PLPPR5: variants seen among roughly 807,000 people sequenced by gnomAD.
The protein encoded by PLPPR5 is phospholipid phosphatase-related protein type 5.
Under a neutral mutation model 33.9 loss-of-function variants are expected in PLPPR5, and 16 were observed. The observed-to-expected ratio is 0.47, with a 90% CI of 0.32 to 0.72. The LOEUF is 0.72. Among genes scored for constraint, PLPPR5 ranks in the 30% least tolerant of loss-of-function variants. PLPPR5 has a pLI of 0.03. For missense variants in PLPPR5, 301 were observed against 406.7 expected (o/e 0.74, Z 2.23); for synonymous variants, 163 against 150.3 (o/e 1.08, Z -0.62).
At chr1:98,968,197 C>T (rs72977880) in intron 1 of PLPPR5, among the ~76,000 whole-genome samples, 2,912 of 103,314 alleles carry the variant, frequency 0.028, 96 homozygotes, top group African/African-American at 0.092. Flanking sequence ...AATGAATACA[C>T]TCATGTTATA....
At position 99,004,477 on chromosome 1, in the gene PLPPR5, G is replaced by C. The variant is rs764379508; in HGVS notation, c.195C>G (p.Pro65=). 55 of 1,611,812 alleles carry C rather than the reference G, an allele frequency of 3.4e-5. No individual in the cohort carries two copies. In the East Asian group the frequency reaches 1.2e-3, roughly 34 times the overall value. ...PGPEDSSAVP[P]VLLYSLAAGV... is the part of the protein sequence containing the mutation. ...CGGCGGCCAGCGAGTAGAGGAGCAC[G>C]GGGGGCACGGCGCTGCTGTCCTCCG... The change falls in exon 1 of 6, where the codon CCC becomes CCG. Residue 65 remains proline, a synonymous_variant. Transcript: ENST00000263177.
chr1:98,931,166 A>G (rs1649950753), intron 3 of PLPPR5, among the ~76,000 whole-genome samples: 1 of 152,208 alleles, frequency 6.6e-6, no homozygotes. Flanking sequence ...TATTATAAAA[A>G]GAGTTATTTT....
At chr1:98,993,802 A>G (rs1465741657) in intron 1 of PLPPR5, among the ~76,000 whole-genome samples, 1 of 152,028 alleles carries the variant, frequency 6.6e-6, no homozygotes. Flanking sequence ...TAAATATGAA[A>G]TGGATATTAG....
chr1:98,899,860 C>T (rs551963108), intron 5 of PLPPR5, among the ~76,000 whole-genome samples: 12 of 152,074 alleles, frequency 7.9e-5, no homozygotes, highest in African/African-American at 1.2e-4. Flanking sequence ...GTTTCCCAAA[C>T]GTATTGACAT....
At chr1:98,969,765 A>G (rs1651595462) in intron 1 of PLPPR5, among the ~76,000 whole-genome samples, 1 of 147,960 alleles carries the variant, frequency 6.8e-6, no homozygotes, top group African/African-American at 2.6e-5. Context: ...GCTAGTTCAG[A>G]AAAAATCTAT....
chr1:98,980,054 T>C (rs1652000614), intron 1 of PLPPR5, among the ~76,000 whole-genome samples: 1 of 152,040 alleles, frequency 6.6e-6, no homozygotes, highest in Admixed American at 6.6e-5. Flanking sequence ...ACTACTGGTT[T>C]CTGTGGCAGT....
intron 1 of PLPPR5, among the ~76,000 whole-genome samples, chr1:98,960,019 C>G (rs993565490): frequency 6.6e-6 from 1 of 152,006 alleles, no homozygotes; most frequent in African/African-American, 2.4e-5. Context: ...TCATCAAATG[C>G]ATATGCCTAG....
intron 3 of PLPPR5, among the ~76,000 whole-genome samples, chr1:98,945,815 A>G (rs1161262010): frequency 6.6e-6 from 1 of 152,234 alleles, no homozygotes; most frequent in Non-Finnish European, 1.5e-5. Context: ...ACATTTAGCC[A>G]TAGTGTAAGT....
chr1:98,949,279 TA>T (rs1650686889), intron 3 of PLPPR5, among the ~76,000 whole-genome samples: 1 of 151,516 alleles, frequency 6.6e-6, no homozygotes, highest in Non-Finnish European at 1.5e-5. Flanking sequence ...TTTTTTTTTT[TA>T]TTATTCCTGA....
chr1:98,980,118 C>T (rs1292682800), intron 1 of PLPPR5, among the ~76,000 whole-genome samples: 1 of 152,036 alleles, frequency 6.6e-6, no homozygotes, highest in Non-Finnish European at 1.5e-5. Context: ...CCTTTTTCTC[C>T]TGAAAGAAGC....
rs374312824 is a variant in PLPPR5 at position 98,939,153 on chromosome 1, ATTT to A, written c.621+13914_621+13916del. 8.2e-4 allele frequency among the ~76,000 whole-genome samples: 124 copies of A among 151,776 alleles called. 5 individuals are homozygous for A. The South Asian group carries it at 0.025, about 30-fold the overall frequency. Reference sequence around the variant, plus strand: ...AATTAAAAAATTAAATATATATTAAATTTTTTAAATTTAACCATGCATATATAG... The same window carrying A: ...AATTAAAAAATTAAATATATATTAAATTTAAATTTAACCATGCATATATAG... On this transcript the variant is annotated intron_variant, in intron 3 of 5. Transcript: ENST00000263177.
chr1:98,905,432 A>T (rs1389917666), intron 5 of PLPPR5, among the ~76,000 whole-genome samples: 2 of 152,164 alleles, frequency 1.3e-5, no homozygotes, highest in Admixed American at 1.3e-4. Flanking sequence ...CCTTTTATAA[A>T]TCATTTTAAA....
upstream of PLPPR5, among the ~76,000 whole-genome samples, chr1:99,005,753 G>C (rs929377954): frequency 2.0e-5 from 3 of 152,184 alleles, no homozygotes; most frequent in South Asian, 6.2e-4. Flanking sequence ...ATAAAGGAGA[G>C]GGAGACCAAT....
intron 1 of PLPPR5, among the ~76,000 whole-genome samples, chr1:98,961,836 C>G (rs1224978421): frequency 6.6e-6 from 1 of 152,140 alleles, no homozygotes; most frequent in African/African-American, 2.4e-5. Context: ...TTTTGGCTCT[C>G]TTTTCCTGAC....
intron 3 of PLPPR5, among the ~76,000 whole-genome samples, chr1:98,922,999 C>CAAA (rs141898134): frequency 1.3e-5 from 2 of 149,522 alleles, no homozygotes; most frequent in African/African-American, 2.5e-5. Flanking sequence ...ACAACAACAA[C>CAAA]AACAAAAAAA....
At chr1:98,995,194 A>T (rs912738040) in intron 1 of PLPPR5, among the ~76,000 whole-genome samples, 2 of 152,142 alleles carry the variant, frequency 1.3e-5, no homozygotes, top group Non-Finnish European at 2.9e-5. Context: ...TCATAAAGAC[A>T]TATGCACATG....
At chr1:98,990,643 GA>G (rs1415973859) in intron 1 of PLPPR5, among the ~76,000 whole-genome samples, 1 of 151,962 alleles carries the variant, frequency 6.6e-6, no homozygotes, top group Non-Finnish European at 1.5e-5. Flanking sequence ...AAAATGAAAT[GA>G]ATATACATGA....
At chr1:98,972,630 T>C (rs1651700676) in intron 1 of PLPPR5, among the ~76,000 whole-genome samples, 1 of 152,108 alleles carries the variant, frequency 6.6e-6, no homozygotes, top group African/African-American at 2.4e-5. Context: ...CTTAAACTTA[T>C]AAGTAGCAAT....
chr1:98,920,970 A>C (rs1649532024), intron 4 of PLPPR5, among the ~76,000 whole-genome samples: 1 of 152,042 alleles, frequency 6.6e-6, no homozygotes, highest in Admixed American at 6.6e-5. Flanking sequence ...TTATATACTC[A>C]TACTTATAAA....
Sources: allele counts gnomAD v4.1 joint callset (sites outside exome capture counted in the v4.1 genomes callset), GRCh38; gene constraint gnomAD v4.1.1; transcripts MANE v1.5; gene names NCBI Gene and HGNC (gene_info 2026-07-23, HGNC 2026-07-21).